HPD: variants seen among roughly 807,000 people sequenced by gnomAD.
HPD encodes 4-hydroxyphenylpyruvate dioxygenase.
HPD carries 35 observed loss-of-function variants against 56.9 expected under a neutral mutation model. The ratio of observed to expected loss-of-function variants is 0.62; its 90% confidence interval spans 0.47 to 0.82. HPD has a LOEUF of 0.82. Ranked by LOEUF, HPD falls within the 40% of genes least tolerant of loss-of-function variation. The probability of loss-of-function intolerance (pLI) is 0.00; values close to 1 mark genes in which losing one functional copy is unlikely to be tolerated. For synonymous variants in HPD, 186 were observed against 200.2 expected, an observed-to-expected ratio of 0.93 and a Z score of 0.60; for missense variants, 442 against 506.8, an observed-to-expected ratio of 0.87 and a Z score of 1.23.
chr12:121,871,375 A>T, the HPD span, among the ~76,000 whole-genome samples: 9 of 152,046 alleles, frequency 5.9e-5, no homozygotes, highest in Non-Finnish European at 1.2e-4. Flanking sequence ...AATTAAAAAA[A>T]AAAAATGCAT....
At chr12:121,862,052 T>C (rs1229437775), upstream of HPD, among the ~76,000 whole-genome samples, 13 of 152,292 alleles carry the variant, frequency 8.5e-5, no homozygotes, top group East Asian at 2.3e-3. Flanking sequence ...TGCTGTCTGC[T>C]GTGAGCTGTT....
chr12:121,852,952 A>G (rs1018827827), intron 7 of HPD, among the ~76,000 whole-genome samples: 1 of 151,980 alleles, frequency 6.6e-6, no homozygotes, highest in Non-Finnish European at 1.5e-5. Flanking sequence ...CCTTACGATG[A>G]CCCTATGAGG....
the HPD span, among the ~76,000 whole-genome samples, chr12:121,873,494 C>G: frequency 6.6e-6 from 1 of 152,218 alleles, no homozygotes; most frequent in Non-Finnish European, 1.5e-5. Context: ...GTCCAGCCTC[C>G]TCTGCTTCCT....
At chr12:121,882,244 A>C in the HPD span, among the ~76,000 whole-genome samples, 1 of 151,970 alleles carries the variant, frequency 6.6e-6, no homozygotes, top group African/African-American at 2.4e-5. Context: ...AGTGAGGTGA[A>C]ACATGGAAAG....
At chr12:121,851,690 T>A (rs1877779915) in intron 7 of HPD, among the ~76,000 whole-genome samples, 8 of 5,622 alleles carry the variant, frequency 1.4e-3, no homozygotes, top group African/African-American at 0.013. Flanking sequence ...TTCATTTATT[T>A]ATTTATTTAT....
At chr12:121,863,932 T>C (rs1878251051), upstream of HPD, among the ~76,000 whole-genome samples, 1 of 151,790 alleles carries the variant, frequency 6.6e-6, no homozygotes, top group Non-Finnish European at 1.5e-5. Context: ...TGTGAAAAGG[T>C]TTTTGTCCCT....
At chr12:121,874,675 T>C in the HPD span, among the ~76,000 whole-genome samples, 1 of 151,820 alleles carries the variant, frequency 6.6e-6, no homozygotes, top group South Asian at 2.1e-4. Context: ...TTCCAAGATT[T>C]TAAGGCATTA....
the HPD span, among the ~76,000 whole-genome samples, chr12:121,885,563 A>G: frequency 6.6e-6 from 1 of 152,130 alleles, no homozygotes; most frequent in Non-Finnish European, 1.5e-5. Flanking sequence ...TAAATACTAC[A>G]GGGTACTTTT....
At chr12:121,868,169 G>A (rs1351084574), upstream of HPD, among the ~76,000 whole-genome samples, 2 of 152,092 alleles carry the variant, frequency 1.3e-5, no homozygotes, top group African/African-American at 2.4e-5. Context: ...GTGACACAGC[G>A]AGACCCTGTT....
chr12:121,850,660 C>G (rs1394950047), intron 7 of HPD, among the ~76,000 whole-genome samples: 1 of 141,560 alleles, frequency 7.1e-6, no homozygotes, highest in Non-Finnish European at 1.5e-5. Context: ...CCCAAAGTGC[C>G]GGGATTACAG....
the HPD span, among the ~76,000 whole-genome samples, chr12:121,878,514 A>G: frequency 6.6e-6 from 1 of 151,960 alleles, no homozygotes; most frequent in Non-Finnish European, 1.5e-5. Flanking sequence ...ACGCCCGGCT[A>G]ATTTTTGTAT....
the HPD span, among the ~76,000 whole-genome samples, chr12:121,873,141 A>G: frequency 6.6e-6 from 1 of 152,300 alleles, no homozygotes; most frequent in South Asian, 2.1e-4. Context: ...CATAAAATAA[A>G]GTTGACTGAT....
chr12:121,856,626 C>G lies in HPD; in HGVS notation c.199-1G>C. 1 of 1,614,112 alleles carries G rather than the reference C, an allele frequency of 6.2e-7. No homozygotes were observed. The highest frequency in any genetic ancestry group is 8.5e-7 in the Non-Finnish European group (1 of 1,179,972). ...GCGCTGAGGAGAGGACAAACACAAT[C>G]TAAGATAGGAGGAGAAGGAGGTGAG... On this transcript the variant is annotated splice_acceptor_variant, in intron 4 of 13. Transcript: ENST00000289004. LOFTEE classifies it high-confidence loss of function.
intron 3 of HPD, 76 bp from the exon 4 acceptor site, chr12:121,857,508 G>C: frequency 8.8e-7 from 1 of 1,131,804 alleles, no homozygotes; most frequent in Non-Finnish European, 1.3e-6. Context: ...AGAGCCCCTG[G>C]CCCCCCTCAG....
intron 9 of HPD, among the ~76,000 whole-genome samples, chr12:121,848,709 G>A (rs952377215): frequency 1.3e-5 from 2 of 152,066 alleles, no homozygotes; most frequent in African/African-American, 4.8e-5. Context: ...GGGTTCAAGC[G>A]ATTCTCCTGC....
chr12:121,857,701 C>A, intron 3 of HPD, 56 bp downstream of exon 3: 1 of 1,447,840 alleles, frequency 6.9e-7, no homozygotes, highest in South Asian at 1.1e-5. Flanking sequence ...CTGCCCTTGT[C>A]AGGCAGCCCT....
intron 11 of HPD, among the ~76,000 whole-genome samples, chr12:121,846,360 G>C (rs1273740192): frequency 6.6e-6 from 1 of 152,140 alleles, no homozygotes; most frequent in African/African-American, 2.4e-5. Context: ...GGGATTACAG[G>C]TGCCCGCAAC....
chr12:121,867,559 G>T (rs1878358987), upstream of HPD, among the ~76,000 whole-genome samples: 7 of 151,742 alleles, frequency 4.6e-5, no homozygotes, highest in Admixed American at 4.6e-4. Flanking sequence ...TGTCACCTAG[G>T]CTAGAGTGCA....
the HPD span, among the ~76,000 whole-genome samples, chr12:121,882,057 C>T: frequency 3.3e-5 from 5 of 151,932 alleles, no homozygotes; most frequent in South Asian, 1.0e-3. Context: ...GCTGGGATTA[C>T]AGGCATGAGC....
Sources: allele counts gnomAD v4.1 joint callset (sites outside exome capture counted in the v4.1 genomes callset), GRCh38; gene constraint gnomAD v4.1.1; transcripts MANE v1.5; gene names NCBI Gene and HGNC (gene_info 2026-07-23, HGNC 2026-07-21).